Variants in NPAS3 observed in about 807,000 individuals in gnomAD.
NPAS3 encodes the protein neuronal PAS domain protein 3.
A neutral mutation model predicts 73.1 loss-of-function variants in NPAS3; 14 were observed. The observed-to-expected ratio is 0.19, with a 90% CI of 0.13 to 0.30. NPAS3 has a LOEUF of 0.30. Among genes scored for constraint, NPAS3 ranks in the 10% least tolerant of loss-of-function variants. The probability of loss-of-function intolerance (pLI) is 1.00; values close to 1 mark genes in which losing one functional copy is unlikely to be tolerated. For missense variants in NPAS3, 1,096 were observed against 1,250.0 expected (o/e 0.88, Z 1.86); for synonymous variants, 620 against 541.5 (o/e 1.14, Z -2.01).
At chr14:33,386,865 C>T (rs1483926510) in intron 4 of NPAS3, among the ~76,000 whole-genome samples, 1 of 152,098 alleles carries the variant, frequency 6.6e-6, no homozygotes, top group Non-Finnish European at 1.5e-5. Context: ...ATTCCAATTT[C>T]TCTTTTGCAA....
chr14:33,259,483 G>A (rs2048894726), intron 3 of NPAS3, among the ~76,000 whole-genome samples: 1 of 151,918 alleles, frequency 6.6e-6, no homozygotes, highest in Non-Finnish European at 1.5e-5. Context: ...TTTTATTCCT[G>A]ATAGCTATTT....
chr14:32,962,052 GA>G (rs956246131), intron 1 of NPAS3, among the ~76,000 whole-genome samples: 2 of 151,624 alleles, frequency 1.3e-5, no homozygotes, highest in African/African-American at 4.8e-5. Flanking sequence ...CAGGTGATAA[GA>G]AAAAAAAGGA....
intron 2 of NPAS3, among the ~76,000 whole-genome samples, chr14:33,085,978 G>C (rs117191933): frequency 1.4e-3 from 216 of 152,220 alleles, no homozygotes; most frequent in South Asian, 8.3e-3. Context: ...CAGTCTCCTA[G>C]GAGTAGAAGG....
At chr14:33,452,097 C>T (rs76458147) in intron 4 of NPAS3, among the ~76,000 whole-genome samples, 1 of 152,154 alleles carries the variant, frequency 6.6e-6, no homozygotes, top group Admixed American at 6.5e-5. Flanking sequence ...ATCCCAGAAC[C>T]TGGCTGAAGC....
intron 3 of NPAS3, among the ~76,000 whole-genome samples, chr14:33,358,728 G>GAC (rs1199438437): frequency 5.3e-5 from 8 of 152,166 alleles, no homozygotes; most frequent in Non-Finnish European, 1.0e-4. Flanking sequence ...TATATTCCCT[G>GAC]ACACAGTGTC....
chr14:33,311,023 G>A (rs7146984), intron 3 of NPAS3, among the ~76,000 whole-genome samples: 7,437 of 152,134 alleles, frequency 0.049, 595 homozygotes, highest in African/African-American at 0.17. Context: ...CGTGGTGTAT[G>A]GTTCTGCAGA....
At chr14:33,545,183 A>G (rs892724759) in intron 4 of NPAS3, among the ~76,000 whole-genome samples, 11 of 152,204 alleles carry the variant, frequency 7.2e-5, no homozygotes, top group Non-Finnish European at 1.3e-4. Flanking sequence ...TATCTCAGAC[A>G]TGACTATTGA....
chr14:33,565,039 C>A (rs2139782709), intron 5 of NPAS3, among the ~76,000 whole-genome samples: 1 of 152,286 alleles, frequency 6.6e-6, no homozygotes, highest in Admixed American at 6.5e-5. Context: ...TATTGTAAGC[C>A]AGCCAGAAGG....
chr14:33,306,300 C>T (rs1298664423), intron 3 of NPAS3, among the ~76,000 whole-genome samples: 1 of 152,128 alleles, frequency 6.6e-6, no homozygotes, highest in African/African-American at 2.4e-5. Context: ...TTCTCATAAA[C>T]TGACCTAGTG....
Position 33,365,073 on chromosome 14 carries a change from C to A in NPAS3, c.386-2113C>A, listed in dbSNP as rs571202735. On this transcript the variant is annotated intron_variant, in intron 3 of 11. Coordinates refer to ENST00000356141, the Ensembl canonical transcript of NPAS3. ...TAATTGGAGTCCCTGAAGTGCCCCC[C>A]CAAATTATGAGCTATTAATAAGGAG... Among the ~76,000 whole-genome samples the A allele has an allele frequency of 4.0e-5, 6 of 151,484 alleles. No homozygotes were observed. The East Asian group carries it at 9.7e-4, about 25-fold the overall frequency.
At chr14:33,027,866 G>A (rs1230747824) in intron 1 of NPAS3, among the ~76,000 whole-genome samples, 4 of 152,072 alleles carry the variant, frequency 2.6e-5, no homozygotes, top group Non-Finnish European at 4.4e-5. Context: ...ATGGGAATTG[G>A]CACTAATAGC....
At chr14:33,430,123 G>T (rs111777006) in intron 4 of NPAS3, among the ~76,000 whole-genome samples, 3 of 152,246 alleles carry the variant, frequency 2.0e-5, no homozygotes, top group South Asian at 2.1e-4. Context: ...GCTTGATGAG[G>T]ATTGTAAAAT....
chr14:33,415,107 G>A (rs1000644055), intron 4 of NPAS3, among the ~76,000 whole-genome samples: 2 of 152,016 alleles, frequency 1.3e-5, no homozygotes, highest in African/African-American at 4.8e-5. Flanking sequence ...TTTAACTGAA[G>A]GTGAGCAACC....
chr14:33,112,725 A>T (rs948753376), intron 2 of NPAS3, among the ~76,000 whole-genome samples: 3 of 152,070 alleles, frequency 2.0e-5, no homozygotes, highest in East Asian at 3.9e-4. Flanking sequence ...AGTGTTTTAG[A>T]CATGAAGTCC....
chr14:33,180,802 G>GAAAAAAAAAAAAAAAAAAA (rs869085160), intron 2 of NPAS3, among the ~76,000 whole-genome samples: 1 of 74,708 alleles, frequency 1.3e-5, no homozygotes, highest in Non-Finnish European at 2.2e-5. Context: ...CTGTCTCCAA[G>GAAAAAAAAAAAAAAAAAAA]AAAAAAAAAA....
At chr14:32,979,140 T>C (rs562086381) in intron 1 of NPAS3, among the ~76,000 whole-genome samples, 166 of 152,340 alleles carry the variant, frequency 1.1e-3, no homozygotes, top group Non-Finnish European at 1.9e-3. Context: ...CTTAGTGCAG[T>C]ACCTGCCACA....
At chr14:33,239,640 A>G (rs772222935) in intron 3 of NPAS3, among the ~76,000 whole-genome samples, 2 of 151,866 alleles carry the variant, frequency 1.3e-5, no homozygotes, top group Non-Finnish European at 2.9e-5. Flanking sequence ...ATTTATTTTC[A>G]ACACTTGAGG....
At chr14:33,426,588 G>T (rs552702806) in intron 4 of NPAS3, among the ~76,000 whole-genome samples, 1 of 151,946 alleles carries the variant, frequency 6.6e-6, no homozygotes, top group African/African-American at 2.4e-5. Context: ...TATCATGAGC[G>T]AGGATACTTA....
chr14:33,552,331 TGTTA>T (rs746698922), intron 4 of NPAS3, among the ~76,000 whole-genome samples: 3 of 152,212 alleles, frequency 2.0e-5, no homozygotes, highest in Non-Finnish European at 4.4e-5. Context: ...CTCTACCACA[TGTTA>T]GTTAGGTGAC....
Sources: gnomAD v4.1 joint callset for allele counts (sites outside exome capture counted in the v4.1 genomes callset) on GRCh38, gnomAD v4.1.1 for gene constraint, MANE v1.5 for transcripts, NCBI Gene and HGNC (gene_info 2026-07-23, HGNC 2026-07-21) for gene names.